Variants in HVCN1 observed in about 807,000 individuals in gnomAD.
HVCN1 encodes the protein voltage-gated hydrogen channel 1.
HVCN1 carries 14 observed loss-of-function variants against 29.2 expected under a neutral mutation model. The ratio of observed to expected loss-of-function variants is 0.48; its 90% CI spans 0.32 to 0.75. HVCN1 has a LOEUF of 0.75. Ranked by LOEUF, HVCN1 falls within the 30% of genes least tolerant of loss-of-function variation. The pLI, the probability that HVCN1 is intolerant of heterozygous loss-of-function variation, is 0.04. For missense variants in HVCN1, 263 were observed against 341.8 expected (o/e 0.77, Z 1.82); for synonymous variants, 131 against 133.2 (o/e 0.98, Z 0.11).
chr12:110,695,401 C>CAT (rs2136505472), intron 2 of HVCN1, among the ~76,000 whole-genome samples: 1 of 151,302 alleles, frequency 6.6e-6, no homozygotes, highest in Admixed American at 6.6e-5. Flanking sequence ...CACACACACA[C>CAT]ATGACCTAGC....
At chr12:110,695,516 A>G (rs1280731762) in intron 2 of HVCN1, among the ~76,000 whole-genome samples, 1 of 152,046 alleles carries the variant, frequency 6.6e-6, no homozygotes, top group African/African-American at 2.4e-5. Flanking sequence ...TGATCACGCC[A>G]CTGCACTCCA....
chr12:110,659,717 G>A (rs1486693547), intron 4 of HVCN1, among the ~76,000 whole-genome samples: 3 of 152,054 alleles, frequency 2.0e-5, no homozygotes, highest in Admixed American at 6.6e-5. Context: ...CCAGGAATTC[G>A]AGACCAGCCT....
rs779679360 is a variant in HVCN1 at position 110,655,367 on chromosome 12, C to G, written c.307-29G>C. 15 of 1,546,352 alleles carry G rather than the reference C, an allele frequency of 9.7e-6. No individual in the cohort carries two copies. In the Admixed American group the frequency reaches 2.5e-4, roughly 26 times the overall value. On this transcript the variant is annotated intron_variant, in intron 4 of 7. Transcript: ENST00000242607. ...TGGGCCGAGGGAAGGTGCCAGAGATCATGAGACCCCCACAGAGGCCCTCCC... is the reference window on the plus strand; with the variant it reads ...TGGGCCGAGGGAAGGTGCCAGAGATGATGAGACCCCCACAGAGGCCCTCCC...
intron 3 of HVCN1, among the ~76,000 whole-genome samples, chr12:110,680,982 C>T (rs995186202): frequency 6.6e-6 from 1 of 152,092 alleles, no homozygotes; most frequent in African/African-American, 2.4e-5. Flanking sequence ...TATTTTTTAC[C>T]ACTATATGCG....
chr12:110,689,739 T>G (rs2069359712), upstream of HVCN1: 1 of 152,036 alleles, frequency 6.6e-6, no homozygotes, highest in Non-Finnish European at 1.5e-5. This position sits in a 1 kb window ranked among gnomAD's most constrained non-coding sequence, Gnocchi z 5.7. Flanking sequence ...GTGCAGCCCC[T>G]GCCTGTCCTG....
intron 5 of HVCN1, among the ~76,000 whole-genome samples, chr12:110,654,147 G>T (rs1289975562): frequency 6.6e-6 from 1 of 151,822 alleles, no homozygotes; most frequent in Non-Finnish European, 1.5e-5. Flanking sequence ...AAAAATAGAG[G>T]AAGAGAGCCA....
rs1300517725 is a variant in HVCN1 at position 110,694,824 on chromosome 12, C to T, written c.-103-6116G>A. ...AAAGGGCACGGTCACCTCCAACTCTCTTCTCTGGCACTCGGCTCAGCCTTC... is the reference window on the plus strand; with the variant it reads ...AAAGGGCACGGTCACCTCCAACTCTTTTCTCTGGCACTCGGCTCAGCCTTC... On this transcript the variant is annotated intron_variant, in intron 2 of 4. Transcript: ENST00000546713. The surrounding 1 kb of genome is among the most constrained non-coding windows in gnomAD (Gnocchi z 4.6). Among the ~76,000 whole-genome samples the T allele has an allele frequency of 2.0e-5, 3 of 152,246 alleles. No individual in the cohort carries two copies. The highest frequency in any genetic ancestry group is 7.2e-5 in the African/African-American group (3 of 41,478).
In HVCN1 at chr12:110,661,146, GACTC is replaced by G; in HGVS notation, c.306+14_306+17del. ...TCTCCTGCCAGCTCTGGGTATCCCG[GACTC>G]CTGCCCCACCTACCTGAAACCTGTG... On this transcript the variant is annotated intron_variant, in intron 4 of 7. Coordinates refer to ENST00000242607, the MANE Select transcript of HVCN1 (RefSeq NM_032369.4). This position sits in a 1 kb window ranked among gnomAD's most constrained non-coding sequence, Gnocchi z 6.2. The G allele has an allele frequency of 6.3e-7, 1 of 1,576,212 alleles. No homozygotes were observed. Among genetic ancestry groups the G allele is most frequent in the Non-Finnish European group, 8.6e-7 (1 of 1,158,562 alleles).
intron 3 of HVCN1, among the ~76,000 whole-genome samples, chr12:110,667,941 A>G (rs2068428041): frequency 6.6e-6 from 1 of 152,166 alleles, no homozygotes; most frequent in Non-Finnish European, 1.5e-5. Flanking sequence ...AGCAGAAAAC[A>G]TTTCTGGTTT....
At chr12:110,697,866 G>A (rs1219510350) in intron 2 of HVCN1, among the ~76,000 whole-genome samples, 1 of 152,038 alleles carries the variant, frequency 6.6e-6, no homozygotes, top group Non-Finnish European at 1.5e-5. Flanking sequence ...TGGCTAGACT[G>A]GTCTCGAACT....
At chr12:110,684,692 G>A (rs1275273449) in intron 2 of HVCN1, among the ~76,000 whole-genome samples, 1 of 152,170 alleles carries the variant, frequency 6.6e-6, no homozygotes, top group African/African-American at 2.4e-5. Flanking sequence ...TCTGCTTCTG[G>A]GAGGCGTGAA....
intron 6 of HVCN1, 145 bp downstream of exon 6, chr12:110,651,070 GGA>G: frequency 1.6e-6 from 1 of 625,474 alleles, no homozygotes; most frequent in South Asian, 1.9e-5. Context: ...GAAGAAGGGA[GGA>G]GAGGGAGGTG....
At chr12:110,674,421 T>C (rs768141733) in intron 3 of HVCN1, among the ~76,000 whole-genome samples, 7 of 152,164 alleles carry the variant, frequency 4.6e-5, no homozygotes, top group Non-Finnish European at 1.0e-4. Flanking sequence ...AGTAAGACTT[T>C]GGGGGACTGT....
chr12:110,693,306 G>A (rs563404876), upstream of HVCN1, among the ~76,000 whole-genome samples: 2 of 152,218 alleles, frequency 1.3e-5, no homozygotes, highest in South Asian at 2.1e-4. Flanking sequence ...CACTTTGGGA[G>A]GCTGAGGCCG....
At chr12:110,657,841 T>C (rs2068040068) in intron 4 of HVCN1, among the ~76,000 whole-genome samples, 1 of 152,152 alleles carries the variant, frequency 6.6e-6, no homozygotes, top group Admixed American at 6.5e-5. Flanking sequence ...TCATTCTAAA[T>C]CCTCACCCTG....
At chr12:110,652,481 G>A (rs564855150) in intron 5 of HVCN1, among the ~76,000 whole-genome samples, 10 of 152,238 alleles carry the variant, frequency 6.6e-5, no homozygotes, top group South Asian at 2.1e-4. Flanking sequence ...GGGCAAGGAC[G>A]TCTTTTGCCA....
intron 1 of HVCN1, among the ~76,000 whole-genome samples, chr12:110,703,503 A>T (rs2069581648): frequency 6.6e-6 from 1 of 152,220 alleles, no homozygotes; most frequent in Non-Finnish European, 1.5e-5. Flanking sequence ...AAATAACCAT[A>T]TTGGGCGAGT....
intron 3 of HVCN1, among the ~76,000 whole-genome samples, chr12:110,680,597 C>A (rs2068931089): frequency 6.6e-6 from 1 of 152,214 alleles, no homozygotes; most frequent in Non-Finnish European, 1.5e-5. Flanking sequence ...TTCTCTCCCA[C>A]CTGTCTTTAT....
At chr12:110,649,652 G>A (rs1465173923) in intron 7 of HVCN1, among the ~76,000 whole-genome samples, 177 bp from the exon 8 acceptor site, 1 of 152,188 alleles carries the variant, frequency 6.6e-6, no homozygotes, top group Admixed American at 6.5e-5. Context: ...CTGAGCAGCA[G>A]TGACAGCAGT....
Sources: allele counts gnomAD v4.1 joint callset (sites outside exome capture counted in the v4.1 genomes callset), GRCh38; gene constraint gnomAD v4.1.1; non-coding constraint Gnocchi (gnomAD v3.1); transcripts MANE v1.5; gene names NCBI Gene and HGNC (gene_info 2026-07-23, HGNC 2026-07-21).